Variants in ZNF486 observed in about 807,000 individuals in gnomAD.
ZNF486 encodes KRAB box only protein 2.
A neutral mutation model predicts 12.8 loss-of-function variants in ZNF486; 12 were observed. The ratio of observed to expected loss-of-function variants is 0.94; its 90% CI spans 0.60 to 1.52. ZNF486 has a LOEUF of 1.52. Among genes scored for constraint, ZNF486 ranks in the 40% most tolerant of loss-of-function variants. The pLI, the probability that ZNF486 is intolerant of heterozygous loss-of-function variation, is 0.00. For synonymous variants in ZNF486, 231 were observed against 184.9 expected (o/e 1.25, Z -2.02); for missense variants, 738 against 545.0 (o/e 1.35, Z -3.53).
chr19:20,198,466 T>C lies in ZNF486; in HGVS notation c.*364T>C. 1 of 218,418 alleles carries C rather than the reference T, an allele frequency of 4.6e-6. No homozygotes were observed. The highest frequency in any genetic ancestry group is 9.3e-6 in the Non-Finnish European group (1 of 107,216). 13.5% of individuals were successfully genotyped at this position (218,418 alleles called of 1,614,324 possible). A position where few individuals can be genotyped will look rare whatever the true frequency, so the allele number is the denominator to read the frequency against. On this transcript the variant is annotated 3_prime_UTR_variant, in exon 4 of 4. Transcript: ENST00000335117. ...CATAATTCATACTGGACAGAAACCC[T>C]ACAAGTGTGAAGAATGTGGCAAGCC... is the stretch of plus-strand genomic sequence containing the variant.
At chr19:20,172,768 T>C (rs1447256395) in intron 1 of ZNF486, among the ~76,000 whole-genome samples, 1 of 149,052 alleles carries the variant, frequency 6.7e-6, no homozygotes, top group African/African-American at 2.6e-5. Flanking sequence ...GCCTTCTGAG[T>C]AGCTGGGATT....
chr19:20,195,319 T>C (rs1295205401), intron 3 of ZNF486, among the ~76,000 whole-genome samples: 1 of 152,122 alleles, frequency 6.6e-6, no homozygotes. Flanking sequence ...CAGGCACATG[T>C]CACCATGCCC....
intron 1 of ZNF486, among the ~76,000 whole-genome samples, chr19:20,181,543 C>CAAAAAA (rs66504246): frequency 1.6e-5 from 2 of 127,994 alleles, no homozygotes; most frequent in South Asian, 2.4e-4. Context: ...TCTCAAAAAA[C>CAAAAAA]AAAAAAAAAA....
chr19:20,196,027 G>T (rs2089955108), intron 3 of ZNF486, among the ~76,000 whole-genome samples: 1 of 152,160 alleles, frequency 6.6e-6, no homozygotes. Flanking sequence ...ACATTTTTGT[G>T]TGTATGTGTG....
intron 1 of ZNF486, among the ~76,000 whole-genome samples, chr19:20,180,384 A>T (rs934086716): frequency 2.0e-5 from 3 of 152,168 alleles, no homozygotes; most frequent in Non-Finnish European, 4.4e-5. Context: ...TACGTGAAGC[A>T]GTCATGGTTC....
At chr19:20,175,539 G>C (rs1225494314) in intron 1 of ZNF486, among the ~76,000 whole-genome samples, 1 of 151,130 alleles carries the variant, frequency 6.6e-6, no homozygotes, top group Non-Finnish European at 1.5e-5. Context: ...GACTCTTAAT[G>C]AGCATGCTGC....
chr19:20,184,750 C>T lies in ZNF486; in HGVS notation c.157+268C>T, dbSNP rs143299337. 6.6e-5 allele frequency among the ~76,000 whole-genome samples: 10 copies of T among 152,022 alleles called. No individual in the cohort carries two copies. In the East Asian group the frequency reaches 1.9e-3, roughly 29 times the overall value. ...ATTTAGTGGCATAAAATAGTGTTGCCCTCAGCTGAAAATCTCATTGCCACC... is the reference window on the plus strand; with the variant it reads ...ATTTAGTGGCATAAAATAGTGTTGCTCTCAGCTGAAAATCTCATTGCCACC... On this transcript the variant is annotated intron_variant, in intron 2 of 3. Transcript: ENST00000335117.
At chr19:20,186,383 C>T (rs781921465) in intron 3 of ZNF486, among the ~76,000 whole-genome samples, 19 of 152,124 alleles carry the variant, frequency 1.2e-4, no homozygotes, top group Admixed American at 5.9e-4. Flanking sequence ...GCTGCTTTTC[C>T]GTTGCCTTGG....
At chr19:20,188,464 C>T in intron 3 of ZNF486, 1 of 398,294 alleles carries the variant, frequency 2.5e-6, no homozygotes, top group Non-Finnish European at 4.4e-6. Flanking sequence ...CAGGAGGATC[C>T]CTGGAGCCCA....
chr19:20,173,537 C>CT (rs2089672767), intron 1 of ZNF486, among the ~76,000 whole-genome samples: 3 of 152,120 alleles, frequency 2.0e-5, no homozygotes, highest in South Asian at 4.1e-4. Context: ...TCCTTAAAAA[C>CT]TTCCAAAAAA....
rs201868111 is a variant in ZNF486, at chr19:20,172,895, C to T, written c.30+5535C>T. Among the ~76,000 whole-genome samples, 20 of 152,286 alleles carry T rather than the reference C, an allele frequency of 1.3e-4. No homozygotes were observed. The East Asian group carries it at 3.7e-3, about 28-fold the overall frequency. On this transcript the variant is annotated intron_variant, in intron 1 of 3. Coordinates refer to ENST00000335117, the MANE Select transcript of ZNF486 (RefSeq NM_052852.4). The stretch of plus-strand genomic sequence containing the variant: ...TGACCTCGTGATACACCCGCCTTGG[C>T]CTCCCAAAGTGCTGGGATTACAGTC...
intron 1 of ZNF486, among the ~76,000 whole-genome samples, chr19:20,169,110 G>T (rs954835030): frequency 1.8e-4 from 27 of 151,866 alleles, no homozygotes; most frequent in Admixed American, 5.9e-4. Context: ...AAGTGGTGGG[G>T]TTACTACATT....
chr19:20,199,800 G>A lies in ZNF486; in HGVS notation c.*1698G>A, dbSNP rs1284889175. 3 of 152,100 alleles carry A rather than the reference G, an allele frequency of 2.0e-5. No homozygotes were observed. Among genetic ancestry groups the A allele is most frequent in the African/African-American group, 7.2e-5 (3 of 41,416 alleles). The allele number at this position is 152,100 out of a possible 1,614,324, so 9.4% of individuals were successfully genotyped here. ...TTAAAAGTATACTTGTTCCAGCTGC[G>A]TGTGGTGGCTCATGCCTGTAATCCC... On this transcript the variant is annotated 3_prime_UTR_variant, in exon 4 of 4. Coordinates refer to ENST00000335117, the MANE Select transcript of ZNF486 (RefSeq NM_052852.4).
rs1245702131 is a variant in ZNF486, at chr19:20,186,135, G to A, written c.253+53G>A. On this transcript the variant is annotated intron_variant, in intron 3 of 3. Transcript: ENST00000335117. ...AGACAATGCAGATAAGAGGTCCCAA[G>A]GTCAAAAAGAAAGCCAGTCCTTAAA... The A allele has an allele frequency of 4.9e-6, 7 of 1,415,368 alleles. No homozygotes were observed. The African/African-American group carries it at 7.4e-5, about 15-fold the overall frequency. 87.7% of individuals were successfully genotyped at this position (1,415,368 alleles called of 1,614,324 possible). A position where few individuals can be genotyped will look rare whatever the true frequency, so the allele number is the denominator to read the frequency against.
At chr19:20,192,997 C>T (rs2089916952) in intron 3 of ZNF486, among the ~76,000 whole-genome samples, 1 of 151,600 alleles carries the variant, frequency 6.6e-6, no homozygotes, top group African/African-American at 2.4e-5. Flanking sequence ...TCCTGTTTTA[C>T]TTTCTTAATT....
chr19:20,195,429 G>A (rs1043407486), intron 3 of ZNF486, among the ~76,000 whole-genome samples: 6 of 152,156 alleles, frequency 3.9e-5, no homozygotes, highest in African/African-American at 1.4e-4. Flanking sequence ...TGATCTTCCA[G>A]TGTGTTGGGA....
intron 1 of ZNF486, among the ~76,000 whole-genome samples, chr19:20,177,740 A>G (rs1246007615): frequency 1.3e-5 from 2 of 151,822 alleles, no homozygotes; most frequent in Non-Finnish European, 2.9e-5. Context: ...ATGCCTGGTT[A>G]ATTTTTGTAT....
chr19:20,179,347 C>G (rs1235464651), intron 1 of ZNF486, among the ~76,000 whole-genome samples: 7 of 152,184 alleles, frequency 4.6e-5, no homozygotes, highest in African/African-American at 1.7e-4. Context: ...CTGTCCCTGT[C>G]TTGTCTTGAC....
At chr19:20,188,815 C>G (rs1311918026) in intron 3 of ZNF486, 2 of 198,196 alleles carry the variant, frequency 1.0e-5, no homozygotes, top group Non-Finnish European at 2.0e-5. Context: ...CTTCCACTTT[C>G]TGTTTTATGA....
Sources: allele counts gnomAD v4.1 joint callset (sites outside exome capture counted in the v4.1 genomes callset), GRCh38; gene constraint gnomAD v4.1.1; transcripts MANE v1.5; gene names NCBI Gene and HGNC (gene_info 2026-07-23, HGNC 2026-07-21).